Variants in TKFC observed in about 807,000 individuals in gnomAD.
TKFC encodes the protein triokinase/FMN cyclase.
TKFC carries 46 observed loss-of-function variants against 61.0 expected under a neutral mutation model. The observed-to-expected ratio is 0.75, with a 90% CI of 0.60 to 0.96. The LOEUF (loss-of-function observed/expected upper bound fraction) is 0.96. TKFC is among the 50% of genes least tolerant of loss of function. The pLI is 0.00. For synonymous variants in TKFC, 314 were observed against 330.1 expected (o/e 0.95, Z 0.53); for missense variants, 715 against 777.5 (o/e 0.92, Z 0.96).
intron 3 of TKFC, 49 bp downstream of exon 3, chr11:61,338,179 C>T (rs745841975): frequency 5.4e-6 from 8 of 1,476,422 alleles, no homozygotes; most frequent in Admixed American, 2.3e-5. Context: ...TGGACAGGGC[C>T]TCCTGGGGGA....
At chr11:61,334,577 T>C in intron 1 of TKFC, 43 bp from the exon 2 acceptor site, 2 of 977,834 alleles carry the variant, frequency 2.0e-6, no homozygotes, top group Non-Finnish European at 3.1e-6. Context: ...GCCAGTCGAC[T>C]GCGAGTTCCT....
chr11:61,338,248 A>G (rs566540686), intron 3 of TKFC, 118 bp downstream of exon 3: 7 of 981,930 alleles, frequency 7.1e-6, no homozygotes, highest in East Asian at 3.0e-5. Flanking sequence ...GAACTGGGGT[A>G]CTTCCCACTC....
chr11:61,337,652 T>C (rs1827695037), intron 2 of TKFC, among the ~76,000 whole-genome samples: 2 of 152,222 alleles, frequency 1.3e-5, no homozygotes, highest in African/African-American at 4.8e-5. Context: ...TATTTTACAC[T>C]GCAGGCAACC....
chr11:61,346,567 C>T lies in TKFC; in HGVS notation c.*64C>T, dbSNP rs1406847506. ...TGCTGTGCTGAGGTGGCCTTTGTCA[C>T]TTCCTTCTGCCTTCCAACCCTCACC... On this transcript the variant is annotated 3_prime_UTR_variant, in exon 18 of 18. Transcript: ENST00000394900. This position sits in a 1 kb window ranked among gnomAD's most constrained non-coding sequence, Gnocchi z 4.1. 1 of 1,520,074 alleles carries T rather than the reference C, an allele frequency of 6.6e-7. No homozygotes were observed. The highest frequency in any genetic ancestry group is 8.8e-7 in the Non-Finnish European group (1 of 1,136,956). The allele number at this position is 1,520,074 out of a possible 1,614,324, so 94.2% of individuals were successfully genotyped here.
downstream of TKFC, chr11:61,352,846 C>T: frequency 6.7e-7 from 1 of 1,498,462 alleles, no homozygotes; most frequent in Non-Finnish European, 8.9e-7. Context: ...AAGATCAATT[C>T]TGTTACCTTC....
intron 5 of TKFC, chr11:61,339,642 T>G (rs1347699215): frequency 5.0e-6 from 3 of 597,238 alleles, no homozygotes; most frequent in Non-Finnish European, 5.8e-6. Context: ...CCTTTTCTTC[T>G]CCACACCCAA....
rs762356159 is a variant in TKFC, at chr11:61,345,900, A to G, written c.1529A>G (p.Lys510Arg). 6.2e-7 allele frequency: 1 copy of G among 1,614,004 alleles called. No individual in the cohort carries two copies. The highest frequency in any genetic ancestry group is 1.3e-5 in the African/African-American group (1 of 74,934). Reference protein sequence around the residue: ...WAAGQELQAWKSPGADLLQVL... With the variant: ...WAAGQELQAWRSPGADLLQVL... ...GCGGGGCAGGAGCTCCAAGCCTGGA[A>G]GAGCCCAGGAGCTGATCTGTTACAA... Residue 510 changes from lysine (K) to arginine (R), a missense_variant, in exon 17 of 18, where the codon AAG becomes AGG. Lys to Arg is a conservative substitution (Grantham distance 26, BLOSUM62 2). Coordinates refer to ENST00000394900, the MANE Select transcript of TKFC (RefSeq NM_015533.4).
downstream of TKFC, chr11:61,350,620 A>G: frequency 1.5e-6 from 1 of 659,048 alleles, no homozygotes; most frequent in Non-Finnish European, 2.6e-6. Context: ...CTGAGCACTC[A>G]GCTGGTCACC....
At position 61,339,293 on chromosome 11, in the gene TKFC, G is replaced by A. The variant is rs144902033; in HGVS notation, c.344G>A (p.Arg115Gln). 6,389 of 1,613,852 alleles carry A rather than the reference G, an allele frequency of 4.0e-3. 22 individuals carry two copies. The highest frequency in any genetic ancestry group is 4.7e-3 in the Non-Finnish European group (5,600 of 1,179,980). Residue 115 changes from arginine to glutamine, a missense_variant, in exon 5 of 18, where the codon CGG (arginine) becomes CAG (glutamine). Physicochemically the swap from Arg to Gln is conservative, Grantham distance 43. Coordinates refer to ENST00000394900, the MANE Select transcript of TKFC (RefSeq NM_015533.4). ...ATCGTGAAGAACTACACTGGGGATC[G>A]GCTCAACTTCGGCCTGGCCCGGGAG... The part of the protein sequence containing the change: ...LLIVKNYTGD[R>Q]LNFGLAREQA...
At chr11:61,345,437 T>G in intron 14 of TKFC, 25 bp from the exon 15 acceptor site, 1 of 1,607,962 alleles carries the variant, frequency 6.2e-7, no homozygotes, top group Non-Finnish European at 8.5e-7. Flanking sequence ...CAGCACCACA[T>G]GCTCAGCGTT....
In TKFC at chr11:61,345,872, G is replaced by A. The variant is rs78925967; in HGVS notation, c.1501G>A (p.Ala501Thr). ...CCTTGTCCAGCTGGATTCTCTGTGG[G>A]CAGCGGGGCAGGAGCTCCAAGCCTG... Reference protein sequence around the residue: ...GDRTMLDSLWAAGQELQAWKS... With the variant: ...GDRTMLDSLWTAGQELQAWKS... The change falls in exon 17 of 18, where the codon GCA becomes ACA. Residue 501 changes from alanine (A) to threonine (T), a missense_variant. Coordinates refer to ENST00000394900, the MANE Select transcript of TKFC (RefSeq NM_015533.4). 1.2e-6 allele frequency: 2 copies of A among 1,614,140 alleles called. No individual in the cohort carries two copies. The highest frequency in any genetic ancestry group is 2.2e-5 in the South Asian group (2 of 91,078).
At chr11:61,342,369 G>A in intron 7 of TKFC, 92 bp from the exon 8 acceptor site, 2 of 1,528,400 alleles carry the variant, frequency 1.3e-6, no homozygotes, top group Non-Finnish European at 1.8e-6. Flanking sequence ...CCCACTTACT[G>A]TGTGAGTCCA....
intron 3 of TKFC, 48 bp downstream of exon 3, chr11:61,338,178 C>T (rs1396553735): frequency 6.8e-6 from 10 of 1,480,586 alleles, no homozygotes; most frequent in Non-Finnish European, 8.9e-6. Context: ...GTGGACAGGG[C>T]CTCCTGGGGG....
downstream of TKFC, chr11:61,351,064 C>A (rs1485476289): frequency 6.2e-7 from 1 of 1,613,986 alleles, no homozygotes; most frequent in Non-Finnish European, 8.5e-7. Context: ...CACCAGCAGC[C>A]CAAAGGCCAC....
In TKFC at chr11:61,347,415, G is replaced by A; in HGVS notation, c.*912G>A. 3.4e-6 allele frequency: 3 copies of A among 876,276 alleles called. No homozygotes were observed. The highest frequency in any genetic ancestry group is 4.1e-6 in the Non-Finnish European group (3 of 730,516). 54.3% of individuals were successfully genotyped at this position (876,276 alleles called of 1,614,324 possible). On this transcript the variant is annotated 3_prime_UTR_variant, in exon 18 of 18. Coordinates refer to ENST00000394900, the MANE Select transcript of TKFC (RefSeq NM_015533.4). ...AAATTAGCCAGGCATAGTAGTGTGTGCCTATAGTCCTAACTTGGGAGGCTG... is the reference window on the plus strand; with the variant it reads ...AAATTAGCCAGGCATAGTAGTGTGTACCTATAGTCCTAACTTGGGAGGCTG...
At chr11:61,351,023 G>T (rs376119973), downstream of TKFC, 9 of 1,613,856 alleles carry the variant, frequency 5.6e-6, no homozygotes, top group Non-Finnish European at 7.6e-6. Context: ...GGCTCTGGGC[G>T]CTTCCAAGAT....
intron 2 of TKFC, 146 bp from the exon 3 acceptor site, chr11:61,337,795 A>G: frequency 3.2e-6 from 2 of 630,998 alleles, no homozygotes; most frequent in Non-Finnish European, 5.2e-6. Context: ...CCCACCTAAG[A>G]TGTCGCCCAA....
chr11:61,343,749 G>C (rs1484612574), intron 11 of TKFC, 107 bp from the exon 12 acceptor site: 1 of 1,489,606 alleles, frequency 6.7e-7, no homozygotes, highest in Non-Finnish European at 9.0e-7. Flanking sequence ...CCTTCCTCCA[G>C]GGCTGCTGAG....
At chr11:61,350,643 C>T, downstream of TKFC, 3 of 618,434 alleles carry the variant, frequency 4.9e-6, no homozygotes, top group Non-Finnish European at 5.6e-6. Flanking sequence ...GCACCCATCC[C>T]ACTAGACTAG....
Sources: allele counts gnomAD v4.1 joint callset (sites outside exome capture counted in the v4.1 genomes callset), GRCh38; gene constraint gnomAD v4.1.1; non-coding constraint Gnocchi (gnomAD v3.1); transcripts MANE v1.5; gene names NCBI Gene and HGNC (gene_info 2026-07-23, HGNC 2026-07-21).